Variants in JAKMIP2 observed in about 807,000 individuals in gnomAD.
JAKMIP2 encodes janus kinase and microtubule-interacting protein 2.
Under a neutral mutation model 115.0 loss-of-function variants are expected in JAKMIP2, and 25 were observed. That is an observed-to-expected ratio of 0.22 (90% CI 0.16 to 0.30). JAKMIP2 has a LOEUF of 0.30. Ranked by LOEUF, JAKMIP2 falls within the 10% of genes least tolerant of loss-of-function variation. JAKMIP2 has a pLI of 1.00. For missense variants in JAKMIP2, 642 were observed against 957.6 expected (o/e 0.67, Z 4.35); for synonymous variants, 334 against 343.6 (o/e 0.97, Z 0.31).
chr5:147,739,908 C>T (rs934802182), intron 1 of JAKMIP2, among the ~76,000 whole-genome samples: 12 of 152,170 alleles, frequency 7.9e-5, no homozygotes, highest in African/African-American at 2.7e-4. Flanking sequence ...GCCCATTTTC[C>T]ACCTAGGGTC....
chr5:147,662,817 T>C (rs1173413193), intron 2 of JAKMIP2, among the ~76,000 whole-genome samples: 2 of 152,072 alleles, frequency 1.3e-5, no homozygotes, highest in East Asian at 1.9e-4. Context: ...AAACCCCGTC[T>C]CTATTAAAAA....
At chr5:147,768,024 C>T (rs1167132080) in intron 1 of JAKMIP2, among the ~76,000 whole-genome samples, 2 of 152,084 alleles carry the variant, frequency 1.3e-5, no homozygotes, top group Non-Finnish European at 2.9e-5. Context: ...ATGTAACTAA[C>T]ATTCTTTTTT....
intron 21 of JAKMIP2, 129 bp from the exon 22 acceptor site, chr5:147,591,815 C>T (rs1755106017): frequency 1.7e-6 from 1 of 586,412 alleles, no homozygotes; most frequent in African/African-American, 1.9e-5. Context: ...TGATCTTATG[C>T]AAGTTACATC....
At chr5:147,699,009 T>A (rs963543084) in intron 1 of JAKMIP2, among the ~76,000 whole-genome samples, 1 of 152,208 alleles carries the variant, frequency 6.6e-6, no homozygotes, top group Admixed American at 6.5e-5. Flanking sequence ...TTTGGCCATA[T>A]AAGATCTATT....
chr5:147,626,368 T>C (rs1203873931), intron 16 of JAKMIP2, among the ~76,000 whole-genome samples: 1 of 152,180 alleles, frequency 6.6e-6, no homozygotes, highest in Non-Finnish European at 1.5e-5. Context: ...AGCAGAGGCA[T>C]GGGCTAATTT....
chr5:147,649,569 GT>G (rs1348884110), intron 4 of JAKMIP2, among the ~76,000 whole-genome samples: 1 of 152,066 alleles, frequency 6.6e-6, no homozygotes, highest in Admixed American at 6.6e-5. Context: ...GTACCTGTCA[GT>G]GTCAGAACTA....
At chr5:147,681,608 G>A (rs34599940) in intron 1 of JAKMIP2, among the ~76,000 whole-genome samples, 25,601 of 152,000 alleles carry the variant, frequency 0.17, 2,733 homozygotes, top group East Asian at 0.45. Context: ...TGGAGGACAT[G>A]TGTGTGCTAA....
chr5:147,695,532 G>A (rs542891983), intron 1 of JAKMIP2, among the ~76,000 whole-genome samples: 1 of 152,220 alleles, frequency 6.6e-6, no homozygotes, highest in East Asian at 1.9e-4. Flanking sequence ...TCCAATAGTA[G>A]CATCCCTAGC....
intron 1 of JAKMIP2, among the ~76,000 whole-genome samples, chr5:147,698,905 CTG>C (rs1387166518): frequency 1.3e-5 from 2 of 152,180 alleles, no homozygotes; most frequent in Non-Finnish European, 2.9e-5. Context: ...CACTGGTACT[CTG>C]TGGGCCATAG....
rs1754839925 is a variant in JAKMIP2, at chr5:147,585,711, G to T, written c.*5996C>A. On this transcript the variant is annotated 3_prime_UTR_variant, in exon 22 of 22. Transcript: ENST00000616793. ...TGGAGTCATGCTAATGAGATGGAAA[G>T]AAAGAACCCCAATTGAGGCAGTTGA... 6.6e-6 allele frequency: 1 copy of T among 152,152 alleles called. No homozygotes were observed. Among genetic ancestry groups the T allele is most frequent in the Admixed American group, 6.5e-5 (1 of 15,274 alleles). 9.4% of individuals were successfully genotyped at this position (152,152 alleles called of 1,614,324 possible). A position where few individuals can be genotyped will look rare whatever the true frequency, so the allele number is the denominator to read the frequency against.
intron 19 of JAKMIP2, among the ~76,000 whole-genome samples, chr5:147,616,161 T>C (rs1756570446): frequency 6.6e-6 from 1 of 152,106 alleles, no homozygotes; most frequent in South Asian, 2.1e-4. Context: ...AGCAGAACGG[T>C]GTAATACATG....
intron 1 of JAKMIP2, among the ~76,000 whole-genome samples, chr5:147,773,367 CT>C (rs1755437221): frequency 1.3e-5 from 2 of 152,132 alleles, no homozygotes; most frequent in Admixed American, 1.3e-4. Context: ...CTGATCAATT[CT>C]GCTTAGATTA....
intron 1 of JAKMIP2, among the ~76,000 whole-genome samples, chr5:147,679,058 G>A (rs12654254): frequency 0.17 from 25,595 of 151,762 alleles, 2,755 homozygotes; most frequent in East Asian, 0.45. Context: ...TTGGATCACT[G>A]CAACCTCGGC....
Position 147,590,111 on chromosome 5 carries a change from C to T in JAKMIP2, c.*1596G>A, listed in dbSNP as rs1288986673. 1.3e-5 allele frequency: 2 copies of T among 152,106 alleles called. No homozygotes were observed. Among genetic ancestry groups the T allele is most frequent in the African/African-American group, 4.8e-5 (2 of 41,414 alleles). The allele number at this position is 152,106 out of a possible 1,614,324, so 9.4% of individuals were successfully genotyped here. On this transcript the variant is annotated 3_prime_UTR_variant, in exon 22 of 22. Coordinates refer to ENST00000616793, the MANE Select transcript of JAKMIP2 (RefSeq NM_001270941.2). ...CCCCAGCATTCTAGTTTTTATTGTA[C>T]ATTCTTCAGTTATTGTTCTGGCTTT... is the stretch of plus-strand genomic sequence containing the variant.
At chr5:147,672,989 ATGGGAAAGCTATTGAAGTTCT>A (rs1177090445) in intron 1 of JAKMIP2, among the ~76,000 whole-genome samples, 22 of 152,220 alleles carry the variant, frequency 1.4e-4, no homozygotes, top group Non-Finnish European at 1.5e-5. Flanking sequence ...TCAGCAAGCA[ATGGGAAAGCTATTGAAGTTCT>A]TGGCAGGTGT....
intron 3 of JAKMIP2, among the ~76,000 whole-genome samples, chr5:147,652,765 A>G (rs1218263748): frequency 6.6e-6 from 1 of 152,170 alleles, no homozygotes. Context: ...ATAGGTATAC[A>G]TGTGCCATCG....
At chr5:147,775,175 G>A (rs531308033) in intron 1 of JAKMIP2, among the ~76,000 whole-genome samples, 33 of 152,270 alleles carry the variant, frequency 2.2e-4, no homozygotes, top group Admixed American at 1.2e-3. Context: ...AGGCATGTCC[G>A]TGTGTCTGTC....
At chr5:147,747,803 C>T (rs1241124290) in intron 1 of JAKMIP2, among the ~76,000 whole-genome samples, 1 of 152,158 alleles carries the variant, frequency 6.6e-6, no homozygotes, top group African/African-American at 2.4e-5. Flanking sequence ...AATTGAACTC[C>T]CACTGTTCTC....
chr5:147,641,946 A>C (rs1425396734), intron 7 of JAKMIP2, among the ~76,000 whole-genome samples, 182 bp from the exon 8 acceptor site: 1 of 152,170 alleles, frequency 6.6e-6, no homozygotes, highest in Non-Finnish European at 1.5e-5. Flanking sequence ...AGAATCTTCT[A>C]CAACTATTCC....
Sources: allele counts gnomAD v4.1 joint callset (sites outside exome capture counted in the v4.1 genomes callset), GRCh38; gene constraint gnomAD v4.1.1; transcripts MANE v1.5; gene names NCBI Gene and HGNC (gene_info 2026-07-23, HGNC 2026-07-21).